Variants in APPBP2 observed in about 807,000 individuals in gnomAD.
APPBP2 encodes the protein amyloid protein-binding protein 2.
In APPBP2, 15 loss-of-function variants were observed where a neutral mutation model predicts 76.0. The ratio of observed to expected loss-of-function variants is 0.20; its 90% CI spans 0.13 to 0.30. The LOEUF is 0.30. APPBP2 is among the 10% of genes least tolerant of loss of function. The pLI is 1.00. For missense variants in APPBP2, 401 were observed against 687.2 expected (o/e 0.58, Z 4.66); for synonymous variants, 222 against 242.2 (o/e 0.92, Z 0.77).
chr17:60,491,949 CCCT>C (rs141284274), intron 3 of APPBP2, among the ~76,000 whole-genome samples: 2,373 of 152,246 alleles, frequency 0.016, 64 homozygotes, highest in African/African-American at 0.053. Flanking sequence ...TTGTGGCAGC[CCCT>C]CCTATCACAG....
intron 3 of APPBP2, among the ~76,000 whole-genome samples, chr17:60,491,683 C>T (rs1446268692): frequency 6.6e-6 from 1 of 151,918 alleles, no homozygotes; most frequent in Non-Finnish European, 1.5e-5. Flanking sequence ...GATATCAAAA[C>T]AATCCACCCA....
chr17:60,451,818 T>C, intron 12 of APPBP2, 62 bp downstream of exon 12: 1 of 1,433,794 alleles, frequency 7.0e-7, no homozygotes, highest in Non-Finnish European at 9.5e-7. Context: ...ATACAACATA[T>C]AAGACATGCT....
At chr17:60,455,934 C>T (rs1263079011) in intron 10 of APPBP2, among the ~76,000 whole-genome samples, 1 of 152,188 alleles carries the variant, frequency 6.6e-6, no homozygotes, top group Non-Finnish European at 1.5e-5. Flanking sequence ...CACGCCACCA[C>T]ATCCGGCTAA....
intron 5 of APPBP2, 89 bp from the exon 6 acceptor site, chr17:60,464,199 C>T (rs563833292): frequency 4.5e-6 from 4 of 888,206 alleles, no homozygotes; most frequent in Non-Finnish European, 7.1e-6. Flanking sequence ...TTTCTACAAG[C>T]ACTTAAATAA....
At chr17:60,500,534 CT>C (rs772893372) in intron 1 of APPBP2, 47 bp from the exon 2 acceptor site, 3 of 1,277,372 alleles carry the variant, frequency 2.3e-6, no homozygotes, top group East Asian at 2.4e-5. Flanking sequence ...TTTAATTCTT[CT>C]TTTTACTTTA....
chr17:60,505,684 T>TG (rs1201259224), intron 1 of APPBP2, among the ~76,000 whole-genome samples: 62 of 132,302 alleles, frequency 4.7e-4, no homozygotes, highest in African/African-American at 1.8e-3. Context: ...CGGTTTTTTT[T>TG]TTTTTTTTTT....
intron 6 of APPBP2, chr17:60,462,751 C>CCAT (rs1266657884): frequency 6.6e-6 from 1 of 152,012 alleles, no homozygotes; most frequent in Non-Finnish European, 1.5e-5. Flanking sequence ...GAGATCGAGA[C>CCAT]CATCCTGGCT....
At chr17:60,453,111 C>T (rs185900775) in intron 11 of APPBP2, among the ~76,000 whole-genome samples, 2 of 152,222 alleles carry the variant, frequency 1.3e-5, no homozygotes, top group Non-Finnish European at 2.9e-5. Context: ...GAACTATATA[C>T]TAAGAACTGT....
At chr17:60,494,035 T>C (rs746295467) in intron 3 of APPBP2, among the ~76,000 whole-genome samples, 12 of 152,222 alleles carry the variant, frequency 7.9e-5, no homozygotes, top group Non-Finnish European at 1.6e-4. Context: ...ACCCTCATTT[T>C]AGAGATGGGA....
chr17:60,486,636 C>T (rs921721175), intron 3 of APPBP2, among the ~76,000 whole-genome samples: 18 of 152,168 alleles, frequency 1.2e-4, no homozygotes, highest in South Asian at 8.3e-4. Context: ...ATGGGTTTTG[C>T]GTCTTTATCC....
intron 3 of APPBP2, among the ~76,000 whole-genome samples, chr17:60,485,718 T>TA (rs1419619138): frequency 1.3e-5 from 2 of 152,208 alleles, no homozygotes; most frequent in African/African-American, 4.8e-5. Flanking sequence ...GCTCTGATCT[T>TA]AGTTATTTCT....
chr17:60,466,963 TAA>T (rs1356199831), intron 4 of APPBP2, among the ~76,000 whole-genome samples: 1 of 152,236 alleles, frequency 6.6e-6, no homozygotes, highest in Non-Finnish European at 1.5e-5. Flanking sequence ...CTATTTCTTT[TAA>T]AATCTTTATC....
rs911606076 is a variant in APPBP2 at position 60,446,081 on chromosome 17, A to T, written c.*1500T>A. The stretch of plus-strand genomic sequence containing the variant: ...GCATGTTAAAAGAAAACTAAAATTC[A>T]ACACACATCCATTCACCCACAGACT... On this transcript the variant is annotated 3_prime_UTR_variant, in exon 13 of 13. Transcript: ENST00000083182. 6.6e-6 allele frequency: 1 copy of T among 152,220 alleles called. No homozygotes were observed. The highest frequency in any genetic ancestry group is 1.5e-5 in the Non-Finnish European group (1 of 68,028). 9.4% of individuals were successfully genotyped at this position (152,220 alleles called of 1,614,324 possible). A position where few individuals can be genotyped will look rare whatever the true frequency, so the allele number is the denominator to read the frequency against.
intron 4 of APPBP2, among the ~76,000 whole-genome samples, chr17:60,474,309 T>A (rs778587058): frequency 2.1e-4 from 32 of 151,922 alleles, no homozygotes; most frequent in Non-Finnish European, 3.8e-4. Context: ...GTAGCTGGGA[T>A]CACAGGCACC....
intron 4 of APPBP2, among the ~76,000 whole-genome samples, chr17:60,467,310 A>G (rs1351189528): frequency 1.3e-5 from 2 of 152,240 alleles, no homozygotes; most frequent in African/African-American, 4.8e-5. Context: ...ATTCCTCAGG[A>G]GCATCAAATC....
chr17:60,522,863 T>A (rs2091021260), intron 1 of APPBP2, among the ~76,000 whole-genome samples: 1 of 145,836 alleles, frequency 6.9e-6, no homozygotes, highest in Admixed American at 6.8e-5. Context: ...CTTCCATTCT[T>A]TTTTTTTTTT....
At chr17:60,504,939 T>C (rs2090854433) in intron 1 of APPBP2, among the ~76,000 whole-genome samples, 1 of 152,158 alleles carries the variant, frequency 6.6e-6, no homozygotes, top group African/African-American at 2.4e-5. Context: ...AGTCTTTAAA[T>C]AGCCAAAACT....
chr17:60,484,579 C>T (rs915848608), intron 3 of APPBP2, among the ~76,000 whole-genome samples: 1 of 152,018 alleles, frequency 6.6e-6, no homozygotes, highest in Non-Finnish European at 1.5e-5. Flanking sequence ...GATTTTGTAT[C>T]CTGAGACTTT....
intron 2 of APPBP2, among the ~76,000 whole-genome samples, chr17:60,496,877 C>T (rs1465885594): frequency 2.6e-5 from 4 of 152,230 alleles, no homozygotes; most frequent in African/African-American, 4.8e-5. Flanking sequence ...TGAGCTACCA[C>T]GCCCAGCTAA....
Sources: gnomAD v4.1 joint callset for allele counts (sites outside exome capture counted in the v4.1 genomes callset) on GRCh38, gnomAD v4.1.1 for gene constraint, MANE v1.5 for transcripts, NCBI Gene and HGNC (gene_info 2026-07-23, HGNC 2026-07-21) for gene names.